BDH1: variants seen among roughly 807,000 people sequenced by gnomAD.
BDH1 encodes the protein D-beta-hydroxybutyrate dehydrogenase, mitochondrial.
Under a neutral mutation model 33.1 loss-of-function variants are expected in BDH1, and 30 were observed. The ratio of observed to expected loss-of-function variants is 0.91; its 90% CI spans 0.68 to 1.23. The LOEUF (loss-of-function observed/expected upper bound fraction) is 1.23. Ranked by LOEUF, BDH1 falls within the 50% of genes most tolerant of loss-of-function variation. BDH1 has a pLI of 0.00. For synonymous variants in BDH1, 190 were observed against 183.6 expected, an observed-to-expected ratio of 1.03 and a Z score of -0.28; for missense variants, 443 against 464.4, an observed-to-expected ratio of 0.95 and a Z score of 0.42.
intron 2 of BDH1, among the ~76,000 whole-genome samples, chr3:197,547,279 C>G (rs1476932423): frequency 6.6e-6 from 1 of 152,212 alleles, no homozygotes; most frequent in East Asian, 1.9e-4. Flanking sequence ...GTGATTCCTC[C>G]AGGCCTAAGG....
rs572997681 is a variant in BDH1, at chr3:197,553,169, C to T, written c.-44+1393G>A. On this transcript the variant is annotated intron_variant, in intron 2 of 7. Coordinates refer to ENST00000392379, the MANE Select transcript of BDH1 (RefSeq NM_203314.3). ...CTAACCTCAAATGATCTGCCCACCT[C>T]GGCCTCCCAAAGTGCTGAGATTACA... 5.3e-5 allele frequency among the ~76,000 whole-genome samples: 8 copies of T among 151,596 alleles called. No individual in the cohort carries two copies. In the East Asian group the frequency reaches 1.0e-3, roughly 19 times the overall value.
chr3:197,556,397 GT>G (rs1188381350), upstream of BDH1, among the ~76,000 whole-genome samples: 1 of 152,248 alleles, frequency 6.6e-6, no homozygotes, highest in Non-Finnish European at 1.5e-5. Context: ...GCCGGGGGCG[GT>G]GGCTCACGCC....
At chr3:197,541,163 T>C (rs1312128364) in intron 3 of BDH1, among the ~76,000 whole-genome samples, 1 of 152,208 alleles carries the variant, frequency 6.6e-6, no homozygotes, top group Non-Finnish European at 1.5e-5. Context: ...CTGCCTCAGC[T>C]CTCAAAAGTT....
chr3:197,550,519 G>A (rs780809785), intron 2 of BDH1, among the ~76,000 whole-genome samples: 2 of 152,180 alleles, frequency 1.3e-5, no homozygotes, highest in Admixed American at 6.5e-5. Flanking sequence ...CTTTGGTCAC[G>A]GAGGACTGAG....
rs748680735 is a variant in BDH1 at position 197,511,926 on chromosome 3, C to T, written c.1001G>A (p.Gly334Glu). ...LRMQIMTHLP[G>E]AISDMIYIR The stretch of plus-strand genomic sequence containing the variant: ...GATGTAGATCATGTCGGAGATGGCT[C>T]CAGGCAAGTGGGTCATGATCTGCAT... Residue 334 changes from glycine (G) to glutamate (E), a missense_variant, in exon 8 of 8, where the codon GGA (glycine) becomes GAA (glutamate). Physicochemically the swap from Gly to Glu is moderately conservative, Grantham distance 98. Transcript: ENST00000392379. The T allele has an allele frequency of 6.4e-7, 1 of 1,573,326 alleles. No homozygotes were observed. The highest frequency in any genetic ancestry group is 1.7e-4 in the Middle Eastern group (1 of 5,860).
intron 5 of BDH1, 56 bp downstream of exon 5, chr3:197,532,355 TA>T (rs1258173163): frequency 1.7e-5 from 25 of 1,506,242 alleles, no homozygotes; most frequent in Middle Eastern, 3.4e-4. Flanking sequence ...TTTAAAAGAC[TA>T]AAAAACAATG....
In BDH1 at chr3:197,525,228, CT is replaced by C. The variant is rs1199136916; in HGVS notation, c.268-2448del. Among the ~76,000 whole-genome samples the C allele has an allele frequency of 6.6e-6, 1 of 152,228 alleles. No individual in the cohort carries two copies. The highest frequency in any genetic ancestry group is 1.5e-5 in the Non-Finnish European group (1 of 68,044). ...AGGTACCAGGAAAACACGTGTCTTG[CT>C]TTAATGCAGTCTTCCACCTGGTGGC... On this transcript the variant is annotated intron_variant, in intron 5 of 7. Coordinates refer to ENST00000392379, the MANE Select transcript of BDH1 (RefSeq NM_203314.3). The surrounding 1 kb of genome is among the most constrained non-coding windows in gnomAD (Gnocchi z 4.9).
intron 1 of BDH1, among the ~76,000 whole-genome samples, chr3:197,567,883 G>T (rs1416882347): frequency 6.6e-6 from 1 of 152,154 alleles, no homozygotes; most frequent in African/African-American, 2.4e-5. Context: ...TGTAGAAGAG[G>T]TAGTATCCTG....
chr3:197,561,148 AC>A (rs1397943163), intron 1 of BDH1, among the ~76,000 whole-genome samples: 1 of 152,154 alleles, frequency 6.6e-6, no homozygotes, highest in Non-Finnish European at 1.5e-5. Context: ...CATTTTGGTA[AC>A]CATGGAGGGA....
chr3:197,517,107 G>C lies in BDH1; in HGVS notation c.410-2691C>G, dbSNP rs993976986. Among the ~76,000 whole-genome samples, 6 of 151,938 alleles carry C rather than the reference G, an allele frequency of 3.9e-5. No individual in the cohort carries two copies. The East Asian group carries it at 1.2e-3, about 29-fold the overall frequency. ...TCCACTAGCATTCCCTTGGGTCCTC[G>C]CTGCCTGTCTCCTGGGCTGCTGGAG... On this transcript the variant is annotated intron_variant, in intron 6 of 7. Transcript: ENST00000392379.
rs1432142906 is a variant in BDH1 at position 197,526,442 on chromosome 3, G to A, written c.268-3661C>T. ...GCTGTTGCTGCCCCTGAGAGAGCAG[G>A]TGCACAAAAGCCAGCTCTTCCTTCT... On this transcript the variant is annotated intron_variant, in intron 5 of 7. Transcript: ENST00000392379. The surrounding 1 kb of genome is among the most constrained non-coding windows in gnomAD (Gnocchi z 4.7). Among the ~76,000 whole-genome samples the A allele has an allele frequency of 2.6e-5, 4 of 152,208 alleles. No homozygotes were observed.
rs1712535894 is a variant in BDH1 at position 197,514,967 on chromosome 3, G to A, written c.410-551C>T. 6.6e-6 allele frequency among the ~76,000 whole-genome samples: 1 copy of A among 152,216 alleles called. No homozygotes were observed. The highest frequency in any genetic ancestry group is 1.5e-5 in the Non-Finnish European group (1 of 68,040). On this transcript the variant is annotated intron_variant, in intron 6 of 7. Transcript: ENST00000392379. This position sits in a 1 kb window ranked among gnomAD's most constrained non-coding sequence, Gnocchi z 4.2. Reference sequence around the variant, plus strand: ...GGATGGGTCAGAGCCTCAGGACAGAGCTGGGCCCTGCCTCTTTGTTGTGGA... The same window carrying A: ...GGATGGGTCAGAGCCTCAGGACAGAACTGGGCCCTGCCTCTTTGTTGTGGA...
chr3:197,558,262 C>T (rs1028838347), upstream of BDH1, among the ~76,000 whole-genome samples: 12 of 152,158 alleles, frequency 7.9e-5, no homozygotes, highest in African/African-American at 2.9e-4. Context: ...AACCTGGGAC[C>T]CTTGCAGGAA....
rs1045960380 is a variant in BDH1, at chr3:197,525,286, T to A, written c.268-2505A>T. 6.6e-6 allele frequency among the ~76,000 whole-genome samples: 1 copy of A among 152,234 alleles called. No individual in the cohort carries two copies. Among genetic ancestry groups the A allele is most frequent in the South Asian group, 2.1e-4 (1 of 4,830 alleles). On this transcript the variant is annotated intron_variant, in intron 5 of 7. Transcript: ENST00000392379. The surrounding 1 kb of genome is among the most constrained non-coding windows in gnomAD (Gnocchi z 4.9). Reference sequence around the variant, plus strand: ...AATGCCCCTTGGCGTGGAGCTCACATGATCTGAACCTCAGAAAGGTGGATT... The same window carrying A: ...AATGCCCCTTGGCGTGGAGCTCACAAGATCTGAACCTCAGAAAGGTGGATT...
chr3:197,546,837 C>T lies in BDH1; in HGVS notation c.-43-351G>A, dbSNP rs1033853798. ...ACTGGGAGACTCGGGGACCTAACCCCTCAGGGATTCTGACTCGGTAAGTCC... is the reference window on the plus strand; with the variant it reads ...ACTGGGAGACTCGGGGACCTAACCCTTCAGGGATTCTGACTCGGTAAGTCC... On this transcript the variant is annotated intron_variant, in intron 2 of 7. Coordinates refer to ENST00000392379, the MANE Select transcript of BDH1 (RefSeq NM_203314.3). Among the ~76,000 whole-genome samples the T allele has an allele frequency of 2.6e-5, 4 of 152,336 alleles. No homozygotes were observed. In the East Asian group the frequency reaches 5.8e-4, roughly 22 times the overall value.
upstream of BDH1, among the ~76,000 whole-genome samples, chr3:197,556,281 G>T (rs949210565): frequency 6.6e-6 from 1 of 152,274 alleles, no homozygotes; most frequent in African/African-American, 2.4e-5. Context: ...GGAAAACTCC[G>T]GTGAGGAAGA....
chr3:197,539,463 G>A (rs2108750521), intron 3 of BDH1, among the ~76,000 whole-genome samples: 1 of 152,330 alleles, frequency 6.6e-6, no homozygotes, highest in Admixed American at 6.5e-5. Flanking sequence ...TTAAAACAAA[G>A]ATGGCAGCCC....
At chr3:197,556,614 G>A (rs531382141), upstream of BDH1, among the ~76,000 whole-genome samples, 46 of 152,380 alleles carry the variant, frequency 3.0e-4, no homozygotes, top group African/African-American at 1.1e-3. Flanking sequence ...GTTCCAGTGA[G>A]CCGAGATTGC....
At chr3:197,545,862 C>T (rs761117082) in intron 3 of BDH1, among the ~76,000 whole-genome samples, 3 of 152,240 alleles carry the variant, frequency 2.0e-5, no homozygotes, top group Non-Finnish European at 4.4e-5. Flanking sequence ...TATGGCCAGG[C>T]ACAGTGGCTC....
Sources: gnomAD v4.1 joint callset for allele counts (sites outside exome capture counted in the v4.1 genomes callset) on GRCh38, gnomAD v4.1.1 for gene constraint, Gnocchi (gnomAD v3.1) non-coding constraint, MANE v1.5 for transcripts, NCBI Gene and HGNC (gene_info 2026-07-23, HGNC 2026-07-21) for gene names.